The following CYB5R3 variants were observed in gnomAD, a reference collection of about 807,000 sequenced individuals.
The protein encoded by CYB5R3 is NADH-cytochrome b5 reductase 3.
A neutral mutation model predicts 36.5 loss-of-function variants in CYB5R3; 28 were observed. The ratio of observed to expected loss-of-function variants is 0.77; its 90% CI spans 0.57 to 1.05. The LOEUF is 1.05. Among genes scored for constraint, CYB5R3 ranks in the 50% least tolerant of loss-of-function variants. The pLI is 0.00. For synonymous variants in CYB5R3, 181 were observed against 159.8 expected (o/e 1.13, Z -1.00); for missense variants, 474 against 408.9 (o/e 1.16, Z -1.37).
chr22:42,628,278 A>G lies in CYB5R3; in HGVS notation c.337T>C (p.Tyr113His). ...AACTTGGGATGGGTGTCCTTGAAGT[A>G]AACCTGCAAGACACCCCCGCAGCCC... ...KGFVDLVIKV[Y>H]FKDTHPKFPA... The change falls in exon 5 of 9, where the codon TAC (tyrosine) becomes CAC (histidine). Residue 113 changes from tyrosine to histidine, a missense_variant. Transcript: ENST00000352397. 6.2e-7 allele frequency: 1 copy of G among 1,613,886 alleles called. No individual in the cohort carries two copies. The highest frequency in any genetic ancestry group is 8.5e-7 in the Non-Finnish European group (1 of 1,179,874).
At chr22:42,625,515 T>A (rs138111480) in intron 7 of CYB5R3, among the ~76,000 whole-genome samples, 173 of 152,202 alleles carry the variant, frequency 1.1e-3, no homozygotes, top group African/African-American at 4.1e-3. Context: ...GTCTCAATTT[T>A]TTTAAAAAAA....
Position 42,630,900 on chromosome 22 carries a change from G to A in CYB5R3, c.315C>T (p.Phe105=). The A allele has an allele frequency of 3.1e-6, 5 of 1,613,526 alleles. No homozygotes were observed. The highest frequency in any genetic ancestry group is 3.4e-6 in the Non-Finnish European group (4 of 1,179,780). The stretch of plus-strand genomic sequence containing the variant: ...GCTTCACCTTGATGACCAGGTCCAC[G>A]AAGCCCTTGTCATCATCGCTGGAGA... ...TPISSDDDKG[F]VDLVIKVYFK... Residue 105 remains phenylalanine (F), a synonymous_variant, in exon 4 of 9, where the codon TTC becomes TTT. Transcript: ENST00000352397.
At chr22:42,630,212 A>G (rs1037787804) in intron 4 of CYB5R3, among the ~76,000 whole-genome samples, 9 of 152,108 alleles carry the variant, frequency 5.9e-5, no homozygotes, top group African/African-American at 2.2e-4. Context: ...TAACGCCTGC[A>G]TCTTCTCCTG....
intron 1 of CYB5R3, 72 bp downstream of exon 1, chr22:42,649,223 A>AG: frequency 1.5e-6 from 1 of 650,784 alleles, no homozygotes; most frequent in Non-Finnish European, 2.0e-6. Flanking sequence ...CCCGCAGGCC[A>AG]GCCCGCCCCC....
At chr22:42,632,629 C>T (rs992810156) in intron 2 of CYB5R3, 1 of 152,270 alleles carries the variant, frequency 6.6e-6, no homozygotes, top group Admixed American at 6.5e-5. Flanking sequence ...GCATTAGGGG[C>T]AAACAGAGCC....
chr22:42,646,836 G>A, intron 1 of CYB5R3: 2 of 985,744 alleles, frequency 2.0e-6, no homozygotes, highest in Non-Finnish European at 2.4e-6. Context: ...CTGGGCCGCA[G>A]AGTAAGCATG....
At chr22:42,627,252 A>G in intron 7 of CYB5R3, 52 bp downstream of exon 7, 1 of 1,495,466 alleles carries the variant, frequency 6.7e-7, no homozygotes, top group South Asian at 1.1e-5. Flanking sequence ...CCAGGCCCGA[A>G]GTCCCCTCTC....
At chr22:42,630,697 A>G (rs1928562220) in intron 4 of CYB5R3, among the ~76,000 whole-genome samples, 185 bp downstream of exon 4, 1 of 152,204 alleles carries the variant, frequency 6.6e-6, no homozygotes, top group Non-Finnish European at 1.5e-5. Context: ...GCGGGGGGAC[A>G]TGGACTCGAG....
At chr22:42,637,525 G>A (rs1162593903) in intron 1 of CYB5R3, among the ~76,000 whole-genome samples, 3 of 152,112 alleles carry the variant, frequency 2.0e-5, no homozygotes, top group Non-Finnish European at 4.4e-5. Flanking sequence ...CAGGTGTAAG[G>A]GGAAGCGAAG....
chr22:42,631,485 A>C, intron 2 of CYB5R3, 35 bp from the exon 3 acceptor site: 1 of 1,546,334 alleles, frequency 6.5e-7, no homozygotes, highest in Non-Finnish European at 8.8e-7. Flanking sequence ...AACGGTCCCC[A>C]GGGCAGAGGC....
intron 1 of CYB5R3, among the ~76,000 whole-genome samples, chr22:42,643,464 CA>C (rs1005495201): frequency 5.9e-5 from 8 of 135,800 alleles, no homozygotes; most frequent in African/African-American, 2.1e-4. Flanking sequence ...CCCCACCCTG[CA>C]ACGGCCCAGC....
At chr22:42,621,886 T>G (rs1927992232) in intron 8 of CYB5R3, among the ~76,000 whole-genome samples, 1 of 152,252 alleles carries the variant, frequency 6.6e-6, no homozygotes, top group Non-Finnish European at 1.5e-5. Context: ...CAAAGCAGCC[T>G]ATCACTTCCT....
chr22:42,628,070 G>GCCTGCAC, intron 5 of CYB5R3, 82 bp downstream of exon 5: 3 of 1,579,544 alleles, frequency 1.9e-6, no homozygotes, highest in East Asian at 2.2e-5. Context: ...AGAGCCAGGG[G>GCCTGCAC]CCTGCACCCT....
intron 2 of CYB5R3, among the ~76,000 whole-genome samples, chr22:42,636,294 G>C (rs918133659): frequency 6.6e-6 from 1 of 152,154 alleles, no homozygotes; most frequent in African/African-American, 2.4e-5. Flanking sequence ...ACAGCTCAGA[G>C]CACCCAGGGA....
At chr22:42,645,987 G>A (rs1929518417) in intron 1 of CYB5R3, among the ~76,000 whole-genome samples, 1 of 152,224 alleles carries the variant, frequency 6.6e-6, no homozygotes, top group Admixed American at 6.5e-5. Flanking sequence ...GCCAGGAGCA[G>A]TGGAGGGGCG....
intron 3 of CYB5R3, 185 bp from the exon 4 acceptor site, chr22:42,631,173 C>G: frequency 1.3e-6 from 1 of 752,996 alleles, no homozygotes; most frequent in Non-Finnish European, 2.2e-6. Flanking sequence ...TCCATGCCTT[C>G]ACTCCTGCTG....
intron 5 of CYB5R3, 114 bp downstream of exon 5, chr22:42,628,038 G>A (rs1215859352): frequency 3.5e-6 from 5 of 1,447,190 alleles, no homozygotes; most frequent in Non-Finnish European, 4.8e-6. Context: ...CAGCTGGCCT[G>A]ACGAGAGTCA....
At chr22:42,647,095 C>T (rs1929572429) in intron 1 of CYB5R3, 2 of 473,868 alleles carry the variant, frequency 4.2e-6, no homozygotes, top group Non-Finnish European at 5.5e-6. Context: ...ACCAGGCCCC[C>T]AGCCAGCCTC....
chr22:42,622,267 C>G (rs1032391552), intron 8 of CYB5R3, among the ~76,000 whole-genome samples: 1 of 152,160 alleles, frequency 6.6e-6, no homozygotes, highest in African/African-American at 2.4e-5. Context: ...CTCCCAGAGC[C>G]AGTGCCCTGG....
Sources: gnomAD v4.1 joint callset for allele counts (sites outside exome capture counted in the v4.1 genomes callset) on GRCh38, gnomAD v4.1.1 for gene constraint, MANE v1.5 for transcripts, NCBI Gene and HGNC (gene_info 2026-07-23, HGNC 2026-07-21) for gene names.